CAMKK1: variants seen among roughly 807,000 people sequenced by gnomAD.
CAMKK1 encodes calcium/calmodulin dependent protein kinase kinase 1, also known as calcium/calmodulin-dependent protein kinase kinase 1.
In CAMKK1, 20 loss-of-function variants were observed where a neutral mutation model predicts 63.5. The observed-to-expected ratio is 0.32, with a 90% CI of 0.22 to 0.46. The LOEUF is 0.46. Among genes scored for constraint, CAMKK1 ranks in the 20% least tolerant of loss-of-function variants. The pLI is 1.00. For missense variants in CAMKK1, 588 were observed against 658.1 expected, an observed-to-expected ratio of 0.89 and a Z score of 1.17; for synonymous variants, 253 against 269.0, an observed-to-expected ratio of 0.94 and a Z score of 0.58.
rs752681899 is a variant in CAMKK1 at position 3,865,648 on chromosome 17, C to G, written c.1445+260G>C. On this transcript the variant is annotated intron_variant, in intron 15 of 15. Coordinates refer to ENST00000348335, the MANE Select transcript of CAMKK1 (RefSeq NM_032294.3). ...AGGGTCTTCCTGTCCCATGGAGGGGCTGCGTGAGCTCCTCATCCCTGGAAG... is the reference window on the plus strand; with the variant it reads ...AGGGTCTTCCTGTCCCATGGAGGGGGTGCGTGAGCTCCTCATCCCTGGAAG... The G allele has an allele frequency of 4.1e-5, 55 of 1,343,820 alleles. No individual in the cohort carries two copies. In the Admixed American group the frequency reaches 5.5e-4, roughly 14 times the overall value. The allele number at this position is 1,343,820 out of a possible 1,614,324, so 83.2% of individuals were successfully genotyped here.
intron 9 of CAMKK1, 179 bp downstream of exon 9, chr17:3,880,167 C>T (rs753443637): frequency 3.8e-5 from 23 of 604,484 alleles, no homozygotes; most frequent in African/African-American, 1.8e-4. Flanking sequence ...GTCCACCGCC[C>T]GCCCCACCCC....
At chr17:3,888,415 C>T (rs1358866771) in intron 1 of CAMKK1, among the ~76,000 whole-genome samples, 1 of 152,242 alleles carries the variant, frequency 6.6e-6, no homozygotes, top group Non-Finnish European at 1.5e-5. Context: ...GGCGCCCAGG[C>T]TCTGAAGCCA....
At position 3,868,061 on chromosome 17, in the gene CAMKK1, AAG is replaced by A. The variant is rs1363754065; in HGVS notation, c.1341+1424_1341+1425del. ...AACTGATACACAGGATCTGGGGGAG[AAG>A]CAGGCGCAGTCTAACTGATACGTGG... On this transcript the variant is annotated intron_variant, in intron 14 of 15. Transcript: ENST00000348335. Among the ~76,000 whole-genome samples the A allele has an allele frequency of 5.0e-5, 4 of 79,306 alleles. 2 individuals are homozygous for A. The highest frequency in any genetic ancestry group is 1.3e-4 in the African/African-American group (2 of 15,362). 52.0% of individuals were successfully genotyped at this position (79,306 alleles called of 152,430 possible). A position where few individuals can be genotyped will look rare whatever the true frequency, so the allele number is the denominator to read the frequency against.
intron 14 of CAMKK1, 75 bp downstream of exon 14, chr17:3,869,412 G>A (rs900179212): frequency 1.2e-4 from 196 of 1,578,584 alleles, no homozygotes; most frequent in Non-Finnish European, 1.5e-4. Flanking sequence ...GTCCCCCCAA[G>A]GAGCCAGGCA....
intron 1 of CAMKK1, among the ~76,000 whole-genome samples, chr17:3,891,733 C>G (rs1463004847): frequency 6.6e-6 from 1 of 152,106 alleles, no homozygotes; most frequent in African/African-American, 2.4e-5. Flanking sequence ...GAGCACTGAG[C>G]AGGATTTCAG....
intron 12 of CAMKK1, among the ~76,000 whole-genome samples, chr17:3,872,011 G>A (rs939833767): frequency 2.6e-5 from 4 of 152,184 alleles, no homozygotes; most frequent in African/African-American, 9.7e-5. Context: ...TGGCTGCCAC[G>A]GTGGCCGTCA....
At chr17:3,877,613 A>C (rs2055225395) in intron 9 of CAMKK1, among the ~76,000 whole-genome samples, 1 of 152,152 alleles carries the variant, frequency 6.6e-6, no homozygotes, top group Non-Finnish European at 1.5e-5. Flanking sequence ...AAGGGAGAAG[A>C]GGAGAGGGAG....
chr17:3,869,969 C>G (rs374184718), intron 12 of CAMKK1, 81 bp from the exon 13 acceptor site: 1 of 1,161,154 alleles, frequency 8.6e-7, no homozygotes, highest in African/African-American at 1.5e-5. Flanking sequence ...CCGAAACCTT[C>G]GTCCCTCGGA....
chr17:3,865,743 G>A (rs2054492578), intron 15 of CAMKK1, 165 bp downstream of exon 15: 16 of 1,443,186 alleles, frequency 1.1e-5, no homozygotes, highest in Admixed American at 2.6e-5. Context: ...TTCTAGCCCC[G>A]ACTAACCTTG....
chr17:3,877,546 C>A (rs2143849118), intron 9 of CAMKK1, among the ~76,000 whole-genome samples: 1 of 152,220 alleles, frequency 6.6e-6, no homozygotes, highest in South Asian at 2.1e-4. Flanking sequence ...TCATCTGGAC[C>A]AACGGACCCC....
rs201991528 is a variant in CAMKK1 at position 3,871,592 on chromosome 17, G to A, written c.1124+962C>T. Reference sequence around the variant, plus strand: ...AGGATGGTCTCGATCTCCTGACCTCGTGATCCGCCCTCCTTGGCCTCCCAA... The same window carrying A: ...AGGATGGTCTCGATCTCCTGACCTCATGATCCGCCCTCCTTGGCCTCCCAA... On this transcript the variant is annotated intron_variant, in intron 12 of 15. Transcript: ENST00000348335. 5.2e-4 allele frequency among the ~76,000 whole-genome samples: 78 copies of A among 148,956 alleles called. No individual in the cohort carries two copies. The East Asian group carries it at 9.2e-3, about 18-fold the overall frequency.
chr17:3,891,597 G>T (rs2055906343), intron 1 of CAMKK1, among the ~76,000 whole-genome samples: 1 of 152,126 alleles, frequency 6.6e-6, no homozygotes, highest in East Asian at 1.9e-4. Flanking sequence ...TGGCTGGAGT[G>T]GAGTCTTCCC....
intron 12 of CAMKK1, among the ~76,000 whole-genome samples, chr17:3,871,347 G>GTTTTTTTTTTTTTTTTTTTTTTTTTT (rs869219931): frequency 5.7e-5 from 6 of 104,358 alleles, no homozygotes; most frequent in Admixed American, 2.3e-4. Context: ...TTTTTTTTTT[G>GTTTTTTTTTTTTTTTTTTTTTTTTTT]TTTTTTTTTT....
chr17:3,872,056 G>A lies in CAMKK1; in HGVS notation c.1124+498C>T, dbSNP rs777224764. Among the ~76,000 whole-genome samples, 103 of 152,342 alleles carry A rather than the reference G, an allele frequency of 6.8e-4. 1 individual carries two copies. Among genetic ancestry groups the A allele is most frequent in the Non-Finnish European group, 7.6e-4 (52 of 68,032 alleles). ...CCATGCATGAGCAAGAGGCCTCCCC[G>A]ACGTCCCTGCTACGCTCAGAGACCT... On this transcript the variant is annotated intron_variant, in intron 12 of 15. Coordinates refer to ENST00000348335, the MANE Select transcript of CAMKK1 (RefSeq NM_032294.3).
Position 3,883,802 on chromosome 17 carries a change from C to T in CAMKK1, c.462+82G>A. The T allele has an allele frequency of 5.7e-6, 8 of 1,415,674 alleles. No homozygotes were observed. Among genetic ancestry groups the T allele is most frequent in the Non-Finnish European group, 8.0e-6 (8 of 1,002,904 alleles). 87.7% of individuals were successfully genotyped at this position (1,415,674 alleles called of 1,614,324 possible). A position where few individuals can be genotyped will look rare whatever the true frequency, so the allele number is the denominator to read the frequency against. ...ACTCTCAGGCAGCCCTGTCCTCTATCTCCTAAGCACAACTCCTGCCCCACC... is the reference window on the plus strand; with the variant it reads ...ACTCTCAGGCAGCCCTGTCCTCTATTTCCTAAGCACAACTCCTGCCCCACC... On this transcript the variant is annotated intron_variant, in intron 4 of 15. Transcript: ENST00000348335. The surrounding 1 kb of genome is among the most constrained non-coding windows in gnomAD (Gnocchi z 4.7).
chr17:3,871,515 C>T lies in CAMKK1; in HGVS notation c.1124+1039G>A, dbSNP rs373286960. Reference sequence around the variant, plus strand: ...GACTACAGGCACCCGCCACCACGCCCGGCTAATTTTTTTTCTATTTTTAGT... The same window carrying T: ...GACTACAGGCACCCGCCACCACGCCTGGCTAATTTTTTTTCTATTTTTAGT... On this transcript the variant is annotated intron_variant, in intron 12 of 15. Transcript: ENST00000348335. 3.4e-3 allele frequency among the ~76,000 whole-genome samples: 488 copies of T among 145,314 alleles called. 13 individuals carry two copies. Among genetic ancestry groups the T allele is most frequent in the African/African-American group, 0.011 (413 of 37,170 alleles).
intron 1 of CAMKK1, 59 bp from the exon 2 acceptor site, chr17:3,885,789 G>C: frequency 6.5e-7 from 1 of 1,534,390 alleles, no homozygotes; most frequent in South Asian, 1.2e-5. Context: ...TACCAGGTAA[G>C]GTAGCCACAG....
intron 9 of CAMKK1, chr17:3,880,080 G>T: frequency 2.1e-6 from 1 of 487,388 alleles, no homozygotes; most frequent in South Asian, 2.7e-5. Context: ...GAACTCAGCA[G>T]AAGAAAGATA....
chr17:3,867,137 G>A (rs1362447296), intron 14 of CAMKK1, among the ~76,000 whole-genome samples: 1 of 152,258 alleles, frequency 6.6e-6, no homozygotes, highest in Non-Finnish European at 1.5e-5. Flanking sequence ...ATGGCGATGA[G>A]GTGTGAAGCA....
Sources: gnomAD v4.1 joint callset for allele counts (sites outside exome capture counted in the v4.1 genomes callset) on GRCh38, gnomAD v4.1.1 for gene constraint, Gnocchi (gnomAD v3.1) non-coding constraint, MANE v1.5 for transcripts, NCBI Gene and HGNC (gene_info 2026-07-23, HGNC 2026-07-21) for gene names.